The following TRANK1 variants were observed in gnomAD, a reference collection of about 807,000 sequenced individuals.
The protein encoded by TRANK1 is TPR and ankyrin repeat-containing protein 1.
Under a neutral mutation model 266.0 loss-of-function variants are expected in TRANK1, and 198 were observed. The observed-to-expected ratio is 0.74, with a 90% confidence interval of 0.66 to 0.84. The LOEUF (loss-of-function observed/expected upper bound fraction) is 0.84. TRANK1 is among the 40% of genes least tolerant of loss of function. The pLI is 0.00. For synonymous variants in TRANK1, 1,396 were observed against 1,384.1 expected, an observed-to-expected ratio of 1.01 and a Z score of -0.19; for missense variants, 3,326 against 3,634.6, an observed-to-expected ratio of 0.92 and a Z score of 2.18.
intron 1 of TRANK1, among the ~76,000 whole-genome samples, chr3:36,920,324 C>T (rs1427854537): frequency 2.0e-5 from 3 of 152,090 alleles, no homozygotes; most frequent in East Asian, 3.8e-4. Context: ...TTTGAAGTGG[C>T]CACTCCTTCC....
chr3:36,849,741 G>A (rs908823432), intron 15 of TRANK1, among the ~76,000 whole-genome samples: 10 of 152,258 alleles, frequency 6.6e-5, no homozygotes, highest in African/African-American at 1.4e-4. Context: ...TTATGAAAGC[G>A]TTTCCTCTCA....
intron 2 of TRANK1, among the ~76,000 whole-genome samples, chr3:36,904,196 C>T (rs1018161914): frequency 1.3e-4 from 20 of 151,960 alleles, no homozygotes; most frequent in African/African-American, 4.3e-4. Context: ...CCTCGTGATC[C>T]GCCTGCCTCA....
At chr3:36,930,704 TA>T (rs1331499544) in intron 1 of TRANK1, among the ~76,000 whole-genome samples, 3 of 152,050 alleles carry the variant, frequency 2.0e-5, no homozygotes, top group African/African-American at 7.2e-5. Context: ...CAAAAGAACA[TA>T]AACTGTGTGA....
chr3:36,929,508 G>A (rs767916046), intron 1 of TRANK1: 12 of 152,154 alleles, frequency 7.9e-5, no homozygotes, highest in Non-Finnish European at 1.3e-4. Context: ...AATATATATA[G>A]TATAAAAAGC....
chr3:36,868,312 T>C (rs2079257601), intron 9 of TRANK1, among the ~76,000 whole-genome samples: 4 of 152,226 alleles, frequency 2.6e-5, no homozygotes, highest in Admixed American at 2.6e-4. Context: ...AAAACTGGTT[T>C]TGTTATACAT....
At chr3:36,886,369 C>T (rs530395356) in intron 8 of TRANK1, among the ~76,000 whole-genome samples, 4 of 151,998 alleles carry the variant, frequency 2.6e-5, no homozygotes, top group South Asian at 2.1e-4. Context: ...TTAGCCTCCC[C>T]CAAAGTGCTA....
intron 1 of TRANK1, among the ~76,000 whole-genome samples, chr3:36,914,046 AG>A (rs1364355659): frequency 6.6e-6 from 1 of 152,196 alleles, no homozygotes; most frequent in African/African-American, 2.4e-5. Context: ...ATAACCTAAA[AG>A]TCATTCTCAC....
At chr3:36,909,590 G>A (rs1359684760) in intron 1 of TRANK1, among the ~76,000 whole-genome samples, 1 of 152,124 alleles carries the variant, frequency 6.6e-6, no homozygotes, top group Non-Finnish European at 1.5e-5. Context: ...TGTACCTATG[G>A]GGTCATAAAA....
Position 36,855,439 on chromosome 3 carries a change from G to A in TRANK1, c.4283C>T (p.Pro1428Leu). The A allele has an allele frequency of 6.2e-7, 1 of 1,613,998 alleles. No individual in the cohort carries two copies. The highest frequency in any genetic ancestry group is 8.5e-7 in the Non-Finnish European group (1 of 1,179,900). Residue 1428 changes from proline to leucine, a missense_variant, in exon 13 of 24, where the codon CCA becomes CTA. Coordinates refer to ENST00000645898, the MANE Select transcript of TRANK1 (RefSeq NM_001329998.2). The part of the protein sequence containing the change: ...SRRLSKLRVL[P>L]WSIHELYGDE... Reference sequence around the variant, plus strand: ...ACCATAGAGCTCGTGGATGGACCATGGGAGCACCCTGAGCTTCGACAGCCT... The same window carrying A: ...ACCATAGAGCTCGTGGATGGACCATAGGAGCACCCTGAGCTTCGACAGCCT...
chr3:36,899,836 G>T (rs771238806), intron 3 of TRANK1, among the ~76,000 whole-genome samples: 1 of 152,146 alleles, frequency 6.6e-6, no homozygotes, highest in African/African-American at 2.4e-5. Flanking sequence ...TTTCAATTAC[G>T]TCTCTGGTTG....
intron 6 of TRANK1, 99 bp from the exon 7 acceptor site, chr3:36,892,439 G>T: frequency 7.1e-7 from 1 of 1,404,954 alleles, no homozygotes; most frequent in Non-Finnish European, 9.5e-7. Flanking sequence ...GTAAAACTTG[G>T]ATTAGCTGTG....
intron 18 of TRANK1, 133 bp from the exon 19 acceptor site, chr3:36,838,849 G>T: frequency 3.7e-6 from 3 of 813,344 alleles, no homozygotes; most frequent in Non-Finnish European, 3.9e-6. Flanking sequence ...AGAAGGAGGA[G>T]CAGGAAGGTG....
At chr3:36,879,796 A>AAATAT (rs201419415) in intron 8 of TRANK1, among the ~76,000 whole-genome samples, 6,363 of 87,462 alleles carry the variant, frequency 0.073, 1,299 homozygotes, top group African/African-American at 0.11. Flanking sequence ...GTAAATATAT[A>AAATAT]AATATACAAA....
chr3:36,932,623 G>A (rs1475092917), intron 1 of TRANK1, among the ~76,000 whole-genome samples: 1 of 152,154 alleles, frequency 6.6e-6, no homozygotes, highest in Non-Finnish European at 1.5e-5. Context: ...GTCAAAATAT[G>A]CAATTAAAGT....
intron 1 of TRANK1, among the ~76,000 whole-genome samples, chr3:36,943,646 T>C (rs984448308): frequency 4.0e-5 from 6 of 151,880 alleles, no homozygotes; most frequent in Non-Finnish European, 7.4e-5. Flanking sequence ...TTTTTTTTTT[T>C]TTCTATAAAG....
In TRANK1 at chr3:36,833,519, G is replaced by T; in HGVS notation, c.6064C>A (p.Gln2022Lys). ...ILREALDICYQTGQLSGIAEA... is the reference protein window; with the variant it reads ...ILREALDICYKTGQLSGIAEA... ...GCAATGCCAGACAACTGGCCAGTTT[G>T]ATAGCAGATATCAAGTGCTTCTCTC... Residue 2022 changes from glutamine (Q) to lysine (K), a missense_variant, in exon 22 of 24, where the codon CAA becomes AAA. Gln to Lys is a moderately conservative substitution (Grantham distance 53). Coordinates refer to ENST00000645898, the MANE Select transcript of TRANK1 (RefSeq NM_001329998.2). 6.2e-7 allele frequency: 1 copy of T among 1,613,902 alleles called. No homozygotes were observed. Among genetic ancestry groups the T allele is most frequent in the Non-Finnish European group, 8.5e-7 (1 of 1,179,820 alleles).
At chr3:36,907,361 GCTGGT>G (rs2079985043) in intron 2 of TRANK1, among the ~76,000 whole-genome samples, 1 of 151,952 alleles carries the variant, frequency 6.6e-6, no homozygotes, top group Admixed American at 6.6e-5. Context: ...TGTTGGCCAG[GCTGGT>G]CTTGAACTCC....
intron 9 of TRANK1, among the ~76,000 whole-genome samples, chr3:36,867,021 C>G (rs1006606747): frequency 6.6e-6 from 1 of 152,164 alleles, no homozygotes; most frequent in African/African-American, 2.4e-5. Context: ...CTCCAGAGAA[C>G]AGAAAATGAT....
intron 5 of TRANK1, 61 bp downstream of exon 5, chr3:36,895,579 G>T: frequency 9.5e-7 from 1 of 1,047,166 alleles, no homozygotes; most frequent in Non-Finnish European, 1.3e-6. Context: ...CAATGCCAAT[G>T]GAAAGGAATC....
Sources: allele counts gnomAD v4.1 joint callset (sites outside exome capture counted in the v4.1 genomes callset), GRCh38; gene constraint gnomAD v4.1.1; transcripts MANE v1.5; gene names NCBI Gene and HGNC (gene_info 2026-07-23, HGNC 2026-07-21).